NRXN3: variants seen among roughly 807,000 people sequenced by gnomAD.
NRXN3 encodes neurexin III.
NRXN3 carries 32 observed loss-of-function variants against 137.6 expected under a neutral mutation model. That is an observed-to-expected ratio of 0.23 (90% CI 0.18 to 0.31). NRXN3 has a LOEUF of 0.31. Among genes scored for constraint, NRXN3 ranks in the 10% least tolerant of loss-of-function variants. NRXN3 has a pLI of 1.00. For missense variants in NRXN3, 1,574 were observed against 2,062.5 expected, an observed-to-expected ratio of 0.76 and a Z score of 4.59; for synonymous variants, 798 against 784.5, an observed-to-expected ratio of 1.02 and a Z score of -0.29.
At chr14:79,842,661 G>GATAT (rs144575188) in intron 20 of NRXN3, among the ~76,000 whole-genome samples, 3 of 151,446 alleles carry the variant, frequency 2.0e-5, no homozygotes. Flanking sequence ...GATTCTATGA[G>GATAT]ATATATATAT....
chr14:78,869,625 G>A (rs2099096534), intron 10 of NRXN3, among the ~76,000 whole-genome samples: 1 of 152,018 alleles, frequency 6.6e-6, no homozygotes, highest in Non-Finnish European at 1.5e-5. Context: ...TTCTTGTAAT[G>A]CCTTTTCATA....
At chr14:79,381,559 C>G (rs2094471035) in intron 15 of NRXN3, among the ~76,000 whole-genome samples, 1 of 152,106 alleles carries the variant, frequency 6.6e-6, no homozygotes, top group South Asian at 2.1e-4. Context: ...CTCAGTACCC[C>G]TGAAAAATGG....
chr14:79,175,096 T>TCAAGG (rs1208950809), intron 15 of NRXN3, among the ~76,000 whole-genome samples: 1 of 151,130 alleles, frequency 6.6e-6, no homozygotes, highest in Non-Finnish European at 1.5e-5. Flanking sequence ...TTCTCCTGCC[T>TCAAGG]CAGCCTCCCG....
intron 15 of NRXN3, among the ~76,000 whole-genome samples, chr14:79,341,882 G>A (rs1305412243): frequency 4.6e-5 from 7 of 152,174 alleles, no homozygotes; most frequent in Admixed American, 4.6e-4. Context: ...GGGCAATGCC[G>A]TGATCAATTG....
intron 4 of NRXN3, among the ~76,000 whole-genome samples, chr14:78,298,917 A>G (rs1263832064): frequency 6.6e-6 from 1 of 152,194 alleles, no homozygotes; most frequent in African/African-American, 2.4e-5. Flanking sequence ...TGAGTCCATC[A>G]GACATTTTTG....
intron 10 of NRXN3, among the ~76,000 whole-genome samples, chr14:78,916,983 T>C (rs779672197): frequency 2.6e-5 from 4 of 152,200 alleles, no homozygotes; most frequent in Non-Finnish European, 5.9e-5. Flanking sequence ...GCCAGTCATA[T>C]TGGACTAGGG....
intron 15 of NRXN3, among the ~76,000 whole-genome samples, chr14:79,003,302 T>A (rs2099545529): frequency 6.6e-6 from 1 of 152,214 alleles, no homozygotes; most frequent in Non-Finnish European, 1.5e-5. Context: ...GGAACAATGC[T>A]GCAATTTTTG....
intron 19 of NRXN3, among the ~76,000 whole-genome samples, chr14:79,791,044 A>G (rs2099143644): frequency 6.6e-6 from 1 of 152,084 alleles, no homozygotes; most frequent in Non-Finnish European, 1.5e-5. Flanking sequence ...CTCTGAGCCA[A>G]ACACCTCCCA....
chr14:78,394,668 A>C (rs567487428), intron 4 of NRXN3, among the ~76,000 whole-genome samples: 1 of 151,838 alleles, frequency 6.6e-6, no homozygotes. Flanking sequence ...GTTTGGTAGA[A>C]TATTCCAGGG....
At chr14:79,719,176 C>T (rs527740498) in intron 19 of NRXN3, among the ~76,000 whole-genome samples, 1 of 151,938 alleles carries the variant, frequency 6.6e-6, no homozygotes, top group African/African-American at 2.4e-5. Context: ...GGGTCTCTTC[C>T]CAAGGTTTGG....
At chr14:79,680,400 C>A (rs1211716960) in intron 17 of NRXN3, among the ~76,000 whole-genome samples, 1 of 151,650 alleles carries the variant, frequency 6.6e-6, no homozygotes, top group East Asian at 1.9e-4. Flanking sequence ...CAAAACAGAA[C>A]AACAGAAAAA....
intron 10 of NRXN3, among the ~76,000 whole-genome samples, chr14:78,812,969 G>A (rs1212079939): frequency 2.0e-5 from 3 of 152,090 alleles, no homozygotes; most frequent in Admixed American, 6.6e-5. Context: ...AACACCTTTA[G>A]AGCTAAACAA....
chr14:78,526,185 T>C (rs1245292834), intron 4 of NRXN3, among the ~76,000 whole-genome samples: 1 of 152,218 alleles, frequency 6.6e-6, no homozygotes, highest in Non-Finnish European at 1.5e-5. Flanking sequence ...GAGTATCATA[T>C]GGGATGTCAC....
At position 79,677,707 on chromosome 14, in the gene NRXN3, T is replaced by G. The variant is rs116898539; in HGVS notation, c.3616+13758T>G. Among the ~76,000 whole-genome samples the G allele has an allele frequency of 5.3e-3, 809 of 152,254 alleles. 1 individual carries two copies. Among genetic ancestry groups the G allele is most frequent in the Non-Finnish European group, 8.7e-3 (595 of 68,006 alleles). On this transcript the variant is annotated intron_variant, in intron 17 of 20. Coordinates refer to ENST00000335750, the MANE Select transcript of NRXN3 (RefSeq NM_001330195.2). The stretch of plus-strand genomic sequence containing the variant: ...TATAAAGGGAATTTTGGAATACTCT[T>G]AATAGATCTGTTCTTGAAATAAGTC...
chr14:78,599,236 T>C (rs1208451307), intron 4 of NRXN3, among the ~76,000 whole-genome samples: 5 of 152,216 alleles, frequency 3.3e-5, no homozygotes, highest in Admixed American at 6.5e-5. Flanking sequence ...TGAGGGGAAA[T>C]AGCACATTTC....
intron 15 of NRXN3, among the ~76,000 whole-genome samples, chr14:79,314,376 C>G (rs1399964653): frequency 2.0e-5 from 1 of 49,134 alleles, no homozygotes; most frequent in Non-Finnish European, 4.1e-5. Context: ...AAACGGCGCA[C>G]CACGAGACTA....
At chr14:78,603,925 G>T (rs930129663) in intron 4 of NRXN3, among the ~76,000 whole-genome samples, 31 of 152,152 alleles carry the variant, frequency 2.0e-4, no homozygotes, top group Non-Finnish European at 3.8e-4. Context: ...GTATTAGTCC[G>T]TTCTTATGCT....
At chr14:78,948,628 C>CTTTTTTT (rs201010514) in intron 10 of NRXN3, among the ~76,000 whole-genome samples, 10 of 108,606 alleles carry the variant, frequency 9.2e-5, no homozygotes, top group Non-Finnish European at 1.3e-4. Context: ...ACACATTTAA[C>CTTTTTTT]TTTTTTTTTT....
intron 10 of NRXN3, among the ~76,000 whole-genome samples, chr14:78,937,989 C>T (rs1394445757): frequency 2.0e-5 from 3 of 152,180 alleles, no homozygotes; most frequent in African/African-American, 4.8e-5. Flanking sequence ...AAACAGTTAA[C>T]ATTTAGACAA....
Sources: gnomAD v4.1 joint callset for allele counts (sites outside exome capture counted in the v4.1 genomes callset) on GRCh38, gnomAD v4.1.1 for gene constraint, MANE v1.5 for transcripts, NCBI Gene and HGNC (gene_info 2026-07-23, HGNC 2026-07-21) for gene names.